Variants in SP140 observed in about 807,000 individuals in gnomAD.
SP140 encodes the protein SP140 nuclear body protein.
A neutral mutation model predicts 125.0 loss-of-function variants in SP140; 81 were observed. The ratio of observed to expected loss-of-function variants is 0.65; its 90% CI spans 0.54 to 0.78. The LOEUF is 0.78. Among genes scored for constraint, SP140 ranks in the 30% least tolerant of loss-of-function variants. The probability of loss-of-function intolerance (pLI) is 0.00; values close to 1 mark genes in which losing one functional copy is unlikely to be tolerated. For missense variants in SP140, 858 were observed against 1,037.0 expected (o/e 0.83, Z 2.37); for synonymous variants, 312 against 354.0 (o/e 0.88, Z 1.33).
At chr2:230,241,986 G>A (rs1426504724) in intron 4 of SP140, among the ~76,000 whole-genome samples, 3 of 152,152 alleles carry the variant, frequency 2.0e-5, no homozygotes, top group Non-Finnish European at 4.4e-5. Context: ...TGGAGAGAGA[G>A]GGGAGCCTGA....
At chr2:230,280,908 C>T (rs2055444701) in intron 15 of SP140, among the ~76,000 whole-genome samples, 1 of 152,008 alleles carries the variant, frequency 6.6e-6, no homozygotes, top group African/African-American at 2.4e-5. Context: ...AGTGAGTGAT[C>T]TCTAAGTGGT....
intron 19 of SP140, among the ~76,000 whole-genome samples, chr2:230,291,648 C>T (rs1223400782): frequency 6.6e-6 from 1 of 152,202 alleles, no homozygotes; most frequent in African/African-American, 2.4e-5. Flanking sequence ...ATATACCACA[C>T]TTTGTTTATA....
chr2:230,242,633 A>G (rs2048882976), intron 4 of SP140, among the ~76,000 whole-genome samples: 1 of 152,154 alleles, frequency 6.6e-6, no homozygotes, highest in Non-Finnish European at 1.5e-5. Flanking sequence ...TCATTGCTCA[A>G]GTTAGATCGA....
At chr2:230,204,423 G>A (rs2043529837) in intron 1 of SP140, among the ~76,000 whole-genome samples, 1 of 152,028 alleles carries the variant, frequency 6.6e-6, no homozygotes, top group Non-Finnish European at 1.5e-5. Flanking sequence ...CCTAAATATG[G>A]GATAATAAGA....
Position 230,255,455 on chromosome 2 carries a change from G to T in SP140, c.1163G>T (p.Gly388Val), listed in dbSNP as rs770734601. ...LSLLPGEGEE[G>V]SDDCSEMCDG... The stretch of plus-strand genomic sequence containing the variant: ...GGGATTTCCTTCCTTTCTGCAGAGG[G>T]CAGTGATGACTGTTCGGAAATGTGT... The change falls in exon 12 of 27, where the codon GGC becomes GTC. Residue 388 changes from glycine to valine, a missense_variant. Transcript: ENST00000392045. 1 of 1,613,968 alleles carries T rather than the reference G, an allele frequency of 6.2e-7. No homozygotes were observed. The highest frequency in any genetic ancestry group is 2.2e-5 in the East Asian group (1 of 44,872).
chr2:230,224,440 GGAGGGAGAGA>G (rs200009484), upstream of SP140, among the ~76,000 whole-genome samples: 3,126 of 142,928 alleles, frequency 0.022, 144 homozygotes, highest in African/African-American at 0.077. Context: ...GGAGGGAGAG[GGAGGGAGAGA>G]GAGGGAGAGG....
At chr2:230,239,916 A>G (rs551928904) in intron 3 of SP140, among the ~76,000 whole-genome samples, 1 of 152,294 alleles carries the variant, frequency 6.6e-6, no homozygotes, top group African/African-American at 2.4e-5. Context: ...TACTGCCCAC[A>G]TCTCAGGGGC....
At chr2:230,206,581 ATCTGGTCCAGATTT>A (rs2043832927) in intron 1 of SP140, among the ~76,000 whole-genome samples, 1 of 117,574 alleles carries the variant, frequency 8.5e-6, no homozygotes, top group Admixed American at 9.8e-5. Flanking sequence ...ATTATATATT[ATCTGGTCCAGATTT>A]TATATATATA....
intron 6 of SP140, among the ~76,000 whole-genome samples, chr2:230,245,374 A>C (rs921986643): frequency 6.6e-6 from 1 of 152,180 alleles, no homozygotes; most frequent in Non-Finnish European, 1.5e-5. Flanking sequence ...TTGAATCTAA[A>C]TCCTACCAGG....
At chr2:230,202,626 C>G, upstream of SP140, 6 of 1,614,140 alleles carry the variant, frequency 3.7e-6, no homozygotes, top group Non-Finnish European at 5.1e-6. Context: ...CTTTTGGGCC[C>G]TTGTCTCTAC....
At chr2:230,216,718 A>C in intron 3 of SP140, 1 of 1,597,968 alleles carries the variant, frequency 6.3e-7, no homozygotes, top group South Asian at 1.1e-5. Flanking sequence ...GTGGTTTGAG[A>C]CTTTAATAAT....
rs373687517 is a variant in SP140, at chr2:230,241,466, T to A, written c.469T>A (p.Leu157Ile). The change falls in exon 4 of 27, where the codon TTA becomes ATA. Residue 157 changes from leucine (L) to isoleucine (I), a missense_variant. This residue lies in a region of SP140 where 791 missense variants were observed against 869.5 expected (regional missense o/e 0.91). Transcript: ENST00000392045. ...AAACGATTTAGAAGATAGACCCAGA[T>A]TACTACCATATGGTAAACAAGGTAA... ...NVNDLEDRPR[L>I]LPYGKQENSN... 1.4e-4 allele frequency: 214 copies of A among 1,579,950 alleles called. No individual in the cohort carries two copies. The highest frequency in any genetic ancestry group is 1.8e-4 in the Non-Finnish European group (207 of 1,149,018).
In SP140 at chr2:230,237,038, T is replaced by TTG; in HGVS notation, c.60-44_60-43dup. Reference sequence around the variant, plus strand: ...AAATCTTCTAACCACCACAAACCTCTTGGAAACTCAGTGTCTACTTCCACG... The same window carrying TTG: ...AAATCTTCTAACCACCACAAACCTCTTGTGGAAACTCAGTGTCTACTTCCACG... On this transcript the variant is annotated intron_variant, in intron 1 of 26. Transcript: ENST00000392045. This position sits in a 1 kb window ranked among gnomAD's most constrained non-coding sequence, Gnocchi z 5.4. 6.7e-7 allele frequency: 1 copy of TTG among 1,486,114 alleles called. No individual in the cohort carries two copies. Among genetic ancestry groups the TTG allele is most frequent in the African/African-American group, 1.4e-5 (1 of 70,588 alleles). 92.1% of individuals were successfully genotyped at this position (1,486,114 alleles called of 1,614,324 possible).
At chr2:230,254,861 G>T (rs1251082493) in intron 11 of SP140, among the ~76,000 whole-genome samples, 4 of 152,158 alleles carry the variant, frequency 2.6e-5, no homozygotes, top group Non-Finnish European at 5.9e-5. Context: ...TTCAGGAGCT[G>T]CAATGATCTG....
At chr2:230,305,206 A>G (rs758913873) in intron 22 of SP140, among the ~76,000 whole-genome samples, 16 of 152,262 alleles carry the variant, frequency 1.1e-4, no homozygotes, top group Non-Finnish European at 2.4e-4. Context: ...GCAATGCGAT[A>G]CCACCTTACT....
At chr2:230,196,663 G>C in the SP140 span, among the ~76,000 whole-genome samples, 1 of 151,736 alleles carries the variant, frequency 6.6e-6, no homozygotes, top group Non-Finnish European at 1.5e-5. Flanking sequence ...TTTAGCATTA[G>C]GTATATCTCC....
At chr2:230,280,005 G>A (rs1227259552) in intron 15 of SP140, among the ~76,000 whole-genome samples, 2 of 151,794 alleles carry the variant, frequency 1.3e-5, no homozygotes, top group South Asian at 2.1e-4. Flanking sequence ...ATGTACATTT[G>A]AACTATTTGT....
chr2:230,282,438 C>T (rs561780268), intron 15 of SP140, among the ~76,000 whole-genome samples: 6 of 152,164 alleles, frequency 3.9e-5, no homozygotes, highest in Non-Finnish European at 7.4e-5. Context: ...AGACACCACC[C>T]CATCAGCCAC....
chr2:230,284,209 A>C (rs2056044969), intron 15 of SP140, 137 bp from the exon 16 acceptor site: 1 of 777,678 alleles, frequency 1.3e-6, no homozygotes, highest in Admixed American at 2.9e-5. Context: ...CCACGCTGCT[A>C]CACTGATCAT....
Sources: allele counts gnomAD v4.1 joint callset (sites outside exome capture counted in the v4.1 genomes callset), GRCh38; gene constraint gnomAD v4.1.1; regional missense constraint gnomAD v4.1.1; non-coding constraint Gnocchi (gnomAD v3.1); transcripts MANE v1.5; gene names NCBI Gene and HGNC (gene_info 2026-07-23, HGNC 2026-07-21).